TRIM37: variants seen among roughly 807,000 people sequenced by gnomAD.
TRIM37 encodes the protein tripartite motif containing 37, also known as E3 ubiquitin-protein ligase TRIM37.
A neutral mutation model predicts 129.8 loss-of-function variants in TRIM37; 80 were observed. The observed-to-expected ratio is 0.62, with a 90% CI of 0.51 to 0.74. TRIM37 has a LOEUF of 0.74. Ranked by LOEUF, TRIM37 falls within the 30% of genes least tolerant of loss-of-function variation. The pLI is 0.00. For missense variants in TRIM37, 1,054 were observed against 1,176.5 expected (o/e 0.90, Z 1.52); for synonymous variants, 389 against 387.1 (o/e 1.00, Z -0.06).
chr17:59,058,924 G>A (rs577352469), intron 12 of TRIM37, among the ~76,000 whole-genome samples: 16 of 152,194 alleles, frequency 1.1e-4, no homozygotes, highest in Admixed American at 3.3e-4. Context: ...ATCCAATCTT[G>A]TAAAATTTTC....
chr17:59,026,559 A>G (rs2037267687), intron 19 of TRIM37, among the ~76,000 whole-genome samples: 1 of 152,226 alleles, frequency 6.6e-6, no homozygotes, highest in Admixed American at 6.5e-5. Flanking sequence ...CCTAAAAGTC[A>G]ACTACAAATA....
downstream of TRIM37, chr17:58,981,248 C>A (rs2031341031): frequency 2.0e-5 from 10 of 511,012 alleles, no homozygotes; most frequent in South Asian, 2.5e-4. Flanking sequence ...CACAGCTGGT[C>A]CCTGTGATGT....
intron 24 of TRIM37, chr17:58,983,102 GAAA>G (rs1201101136): frequency 1.1e-5 from 6 of 560,804 alleles, no homozygotes; most frequent in Non-Finnish European, 1.9e-5. Flanking sequence ...TCTCAGTGGG[GAAA>G]AAAATGGCTG....
intron 4 of TRIM37, among the ~76,000 whole-genome samples, chr17:59,085,318 C>G (rs1031123385): frequency 6.6e-6 from 1 of 151,562 alleles, no homozygotes; most frequent in African/African-American, 2.4e-5. Context: ...CAGAGCAAGA[C>G]TCTGCCTCAA....
At chr17:59,091,597 TTA>T (rs1321472733) in intron 2 of TRIM37, among the ~76,000 whole-genome samples, 82 of 53,052 alleles carry the variant, frequency 1.5e-3, no homozygotes, top group Middle Eastern at 0.01. Context: ...ATATTATACA[TTA>T]TATATATAAT....
intron 15 of TRIM37, 129 bp downstream of exon 15, chr17:59,049,049 T>C (rs1722490638): frequency 1.3e-6 from 1 of 755,240 alleles, no homozygotes. Flanking sequence ...AGGGCATACA[T>C]ACATTACTAA....
intron 4 of TRIM37, among the ~76,000 whole-genome samples, chr17:59,084,848 A>G (rs12103622): frequency 0.33 from 49,704 of 152,042 alleles, 8,795 homozygotes; most frequent in Middle Eastern, 0.49. Flanking sequence ...GTGGCCATCT[A>G]TAAGTCAAGG....
intron 11 of TRIM37, 61 bp downstream of exon 11, chr17:59,062,506 C>T: frequency 7.4e-7 from 1 of 1,352,426 alleles, no homozygotes. Flanking sequence ...AATTAGTATA[C>T]TACAGAACTC....
rs1568051234 is a variant in TRIM37, at chr17:59,038,940, CG to C, written c.1753+2872del. On this transcript the variant is annotated intron_variant, in intron 17 of 23. Coordinates refer to ENST00000262294, the MANE Select transcript of TRIM37 (RefSeq NM_015294.6). ...ACTGACTCACTCCCTGTTCCACAGC[CG>C]TAACTACAGCTTTGACTGGACAAGA... Among the ~76,000 whole-genome samples the C allele has an allele frequency of 3.9e-5, 6 of 152,262 alleles. No homozygotes were observed. In the South Asian group the frequency reaches 1.2e-3, roughly 32 times the overall value.
chr17:59,075,869 G>A (rs531438267), intron 7 of TRIM37, among the ~76,000 whole-genome samples, 155 bp from the exon 8 acceptor site: 1 of 152,208 alleles, frequency 6.6e-6, no homozygotes, highest in South Asian at 2.1e-4. Flanking sequence ...TCAACTTTAA[G>A]AGGCTGAATA....
intron 18 of TRIM37, among the ~76,000 whole-genome samples, chr17:59,030,652 G>A (rs1242925096): frequency 1.3e-5 from 2 of 152,120 alleles, no homozygotes; most frequent in Non-Finnish European, 2.9e-5. Context: ...CAATGATACT[G>A]ATTATTTTCA....
the TRIM37 span, among the ~76,000 whole-genome samples, chr17:58,975,064 T>A: frequency 6.6e-6 from 1 of 152,198 alleles, no homozygotes; most frequent in African/African-American, 2.4e-5. Context: ...CATTGTAGGT[T>A]TAGCAGGACC....
intron 23 of TRIM37, 93 bp from the exon 24 acceptor site, chr17:58,999,552 ATGTGTTATT>A: frequency 9.5e-7 from 1 of 1,054,836 alleles, no homozygotes; most frequent in South Asian, 1.5e-5. Context: ...ATCTTACCAA[ATGTGTTATT>A]TAAGTGATAA....
chr17:58,969,667 G>A, the TRIM37 span: 1 of 1,614,174 alleles, frequency 6.2e-7, no homozygotes, highest in Non-Finnish European at 8.5e-7. Context: ...ATCCTGCTGA[G>A]GCCCTGTGCA....
intron 5 of TRIM37, among the ~76,000 whole-genome samples, chr17:59,081,937 C>CAAAAAAAAAAAAAAAAA (rs1157296161): frequency 8.2e-5 from 4 of 48,898 alleles, no homozygotes; most frequent in East Asian, 4.8e-4. Flanking sequence ...TAATAAAAAC[C>CAAAAAAAAAAAAAAAAA]AAAAAAAAAA....
chr17:59,086,939 C>T (rs888365234), intron 4 of TRIM37, among the ~76,000 whole-genome samples: 6 of 152,088 alleles, frequency 3.9e-5, no homozygotes, highest in Admixed American at 2.6e-4. Context: ...ACAGTAATAC[C>T]CACCACTTCA....
intron 18 of TRIM37, among the ~76,000 whole-genome samples, chr17:59,029,635 G>A (rs1019553165): frequency 2.0e-5 from 3 of 152,134 alleles, no homozygotes; most frequent in African/African-American, 4.8e-5. Flanking sequence ...AGTGGCTCAC[G>A]CCTATAATCC....
At chr17:59,018,154 C>A in intron 19 of TRIM37, among the ~76,000 whole-genome samples, 1 of 151,916 alleles carries the variant, frequency 6.6e-6, no homozygotes. Context: ...AAATGTACGG[C>A]CTTAAAATGA....
chr17:59,052,640 T>C (rs1408517319), intron 13 of TRIM37, among the ~76,000 whole-genome samples: 1 of 151,848 alleles, frequency 6.6e-6, no homozygotes, highest in African/African-American at 2.4e-5. Context: ...ATGATCAAAA[T>C]GAGAACTTGA....
Sources: gnomAD v4.1 joint callset for allele counts (sites outside exome capture counted in the v4.1 genomes callset) on GRCh38, gnomAD v4.1.1 for gene constraint, MANE v1.5 for transcripts, NCBI Gene and HGNC (gene_info 2026-07-23, HGNC 2026-07-21) for gene names.